The following LRRC38 variants were observed in gnomAD, a reference collection of about 807,000 sequenced individuals.
LRRC38 encodes the protein leucine-rich repeat-containing protein 38.
Under a neutral mutation model 16.4 loss-of-function variants are expected in LRRC38, and 5 were observed. The observed-to-expected ratio is 0.31, with a 90% CI of 0.16 to 0.64. LRRC38 has a LOEUF of 0.64. LRRC38 is among the 30% of genes least tolerant of loss of function. The pLI, the probability that LRRC38 is intolerant of heterozygous loss-of-function variation, is 0.80. For missense variants in LRRC38, 341 were observed against 401.8 expected, an observed-to-expected ratio of 0.85 and a Z score of 1.29; for synonymous variants, 191 against 190.2, an observed-to-expected ratio of 1.00 and a Z score of -0.04.
At chr1:13,507,392 C>G (rs542472923) in intron 1 of LRRC38, among the ~76,000 whole-genome samples, 6 of 152,234 alleles carry the variant, frequency 3.9e-5, no homozygotes, top group Non-Finnish European at 8.8e-5. Flanking sequence ...CTTCAGTAAG[C>G]CTCTGCCCAG....
At chr1:13,482,096 A>C (rs942072016) in intron 1 of LRRC38, among the ~76,000 whole-genome samples, 4 of 152,176 alleles carry the variant, frequency 2.6e-5, no homozygotes, top group South Asian at 2.1e-4. Context: ...TGCATTAAGC[A>C]AAACAGGTGA....
chr1:13,513,249 G>C lies in LRRC38; in HGVS notation c.345C>G (p.Asn115Lys), dbSNP rs1365425640. The change falls in exon 1 of 2, where the codon AAC becomes AAG. Residue 115 changes from asparagine (N) to lysine (K), a missense_variant. By Grantham distance (94) the Asn-to-Lys change is moderately conservative. Transcript: ENST00000376085. ...KLVFLDLSYN[N>K]LTQLGAGAFR... ...AGGCGCCGGCGCCCAGCTGGGTCAA[G>C]TTGTTGTAGCTGAGGTCGAGGAACA... 1.3e-6 allele frequency: 2 copies of C among 1,550,512 alleles called. No individual in the cohort carries two copies. Among genetic ancestry groups the C allele is most frequent in the East Asian group, 2.4e-5 (1 of 40,876 alleles).
intron 1 of LRRC38, among the ~76,000 whole-genome samples, chr1:13,481,780 CCTCTCTCCCTCTCT>C (rs1332312283): frequency 0.17 from 9,693 of 58,316 alleles, 502 homozygotes; most frequent in East Asian, 0.39. Flanking sequence ...TCCCTCTCTC[CCTCTCTCCCTCTCT>C]CTCTCTCTCT....
At position 13,495,802 on chromosome 1, in the gene LRRC38, G is replaced by A. The variant is rs192572930; in HGVS notation, c.631+17161C>T. 5.8e-4 allele frequency among the ~76,000 whole-genome samples: 88 copies of A among 152,192 alleles called. 1 individual carries two copies. Among genetic ancestry groups the A allele is most frequent in the African/African-American group, 1.7e-3 (71 of 41,524 alleles). The stretch of plus-strand genomic sequence containing the variant: ...TAGACAGTTCTCATTATGGTACATC[G>A]AATTCCGTTTCCTTGTAATTCTCAA... On this transcript the variant is annotated intron_variant, in intron 1 of 1. Coordinates refer to ENST00000376085, the MANE Select transcript of LRRC38 (RefSeq NM_001010847.2).
intron 1 of LRRC38, among the ~76,000 whole-genome samples, chr1:13,490,083 T>G (rs1275311479): frequency 6.6e-6 from 1 of 152,172 alleles, no homozygotes; most frequent in Non-Finnish European, 1.5e-5. Flanking sequence ...ACCGACTGAC[T>G]GTTCATGTGA....
At chr1:13,510,102 T>C (rs1264439137) in intron 1 of LRRC38, among the ~76,000 whole-genome samples, 1 of 152,110 alleles carries the variant, frequency 6.6e-6, no homozygotes, top group Non-Finnish European at 1.5e-5. Context: ...CGCTGGGCTC[T>C]GTCTTGCTTC....
intron 1 of LRRC38, among the ~76,000 whole-genome samples, chr1:13,484,601 CA>C (rs1422611107): frequency 1.3e-5 from 2 of 152,184 alleles, no homozygotes; most frequent in African/African-American, 2.4e-5. Context: ...TTCTTTCCCC[CA>C]AATTCACCAG....
rs1327978116 is a variant in LRRC38 at position 13,487,934 on chromosome 1, G to C, written c.632-11835C>G. Among the ~76,000 whole-genome samples, 1 of 151,826 alleles carries C rather than the reference G, an allele frequency of 6.6e-6. No individual in the cohort carries two copies. The highest frequency in any genetic ancestry group is 1.5e-5 in the Non-Finnish European group (1 of 68,010). ...TTCTTATCTCCACATATTAGGCAAAGCTCACATATATACTGAGACAATAAA... is the reference window on the plus strand; with the variant it reads ...TTCTTATCTCCACATATTAGGCAAACCTCACATATATACTGAGACAATAAA... On this transcript the variant is annotated intron_variant, in intron 1 of 1. Coordinates refer to ENST00000376085, the MANE Select transcript of LRRC38 (RefSeq NM_001010847.2). The surrounding 1 kb of genome is among the most constrained non-coding windows in gnomAD (Gnocchi z 4.4).
intron 1 of LRRC38, among the ~76,000 whole-genome samples, chr1:13,492,563 C>T (rs1441064979): frequency 6.6e-6 from 1 of 152,020 alleles, no homozygotes; most frequent in Admixed American, 6.6e-5. Flanking sequence ...TTAGCCGGGC[C>T]TGGTGGCGGG....
Position 13,475,786 on chromosome 1 carries a change from G to C in LRRC38, c.*60C>G. On this transcript the variant is annotated 3_prime_UTR_variant, in exon 2 of 2. Coordinates refer to ENST00000376085, the MANE Select transcript of LRRC38 (RefSeq NM_001010847.2). The surrounding 1 kb of genome is among the most constrained non-coding windows in gnomAD (Gnocchi z 4.3). ...TTTCCATTTTCAGCATTTCCCTCTC[G>C]TCTTGGAGAGAGCTTCTGGTTCGGT... 6.5e-7 allele frequency: 1 copy of C among 1,527,792 alleles called. No individual in the cohort carries two copies. Among genetic ancestry groups the C allele is most frequent in the Non-Finnish European group, 8.8e-7 (1 of 1,134,172 alleles). 94.6% of individuals were successfully genotyped at this position (1,527,792 alleles called of 1,614,324 possible).
Position 13,493,828 on chromosome 1 carries a change from G to A in LRRC38, c.632-17729C>T, listed in dbSNP as rs147672188. Reference sequence around the variant, plus strand: ...ACCTGTAATCCCAGCACTTTGGGAGGCTGAGGTGAGTAGACCACAAGGTCA... The same window carrying A: ...ACCTGTAATCCCAGCACTTTGGGAGACTGAGGTGAGTAGACCACAAGGTCA... On this transcript the variant is annotated intron_variant, in intron 1 of 1. Coordinates refer to ENST00000376085, the MANE Select transcript of LRRC38 (RefSeq NM_001010847.2). 3.0e-3 allele frequency among the ~76,000 whole-genome samples: 459 copies of A among 152,288 alleles called. 1 individual carries two copies. Among genetic ancestry groups the A allele is most frequent in the African/African-American group, 0.01 (432 of 41,570 alleles).
intron 1 of LRRC38, among the ~76,000 whole-genome samples, chr1:13,480,385 C>T (rs554833839): frequency 6.6e-6 from 1 of 152,284 alleles, no homozygotes; most frequent in African/African-American, 2.4e-5. Context: ...CTACGTGTCC[C>T]CTGGGTGGGG....
intron 1 of LRRC38, among the ~76,000 whole-genome samples, chr1:13,497,778 A>G (rs1639097157): frequency 6.6e-6 from 1 of 151,942 alleles, no homozygotes. Flanking sequence ...CCTGACCAAC[A>G]TGGAGAAACC....
At chr1:13,497,110 G>A (rs1639089436) in intron 1 of LRRC38, among the ~76,000 whole-genome samples, 1 of 152,144 alleles carries the variant, frequency 6.6e-6, no homozygotes, top group Non-Finnish European at 1.5e-5. Flanking sequence ...AAGGAACTAG[G>A]AGGAGGACAG....
At chr1:13,510,215 G>A (rs145571129) in intron 1 of LRRC38, among the ~76,000 whole-genome samples, 1 of 152,262 alleles carries the variant, frequency 6.6e-6, no homozygotes, top group African/African-American at 2.4e-5. Flanking sequence ...GGCCTGCCTA[G>A]AAAGCCCTGG....
intron 1 of LRRC38, 144 bp from the exon 2 acceptor site, chr1:13,476,243 A>G (rs561550649): frequency 3.0e-5 from 23 of 777,948 alleles, no homozygotes; most frequent in Admixed American, 1.8e-4. Flanking sequence ...ATTTAAATGG[A>G]ATTTAAACTT....
rs1383787487 is a variant in LRRC38 at position 13,513,069 on chromosome 1, C to G, written c.525G>C (p.Leu175=). 6.5e-7 allele frequency: 1 copy of G among 1,549,984 alleles called. No homozygotes were observed. The highest frequency in any genetic ancestry group is 2.0e-5 in the Admixed American group (1 of 50,972). The stretch of plus-strand genomic sequence containing the variant: ...CCAGACGCAGGGAGCGCAGCGCGGG[C>G]AGCGCGGCCAGGGCGGCCACGCTGA... ...RSLSVAALAA[L]PALRSLRLDG... is the part of the protein sequence containing the mutation. Residue 175 remains leucine (L), a synonymous_variant, in exon 1 of 2, where the codon CTG becomes CTC. Coordinates refer to ENST00000376085, the MANE Select transcript of LRRC38 (RefSeq NM_001010847.2).
Position 13,513,664 on chromosome 1 carries a change from G to C in LRRC38, c.-71C>G. On this transcript the variant is annotated 5_prime_UTR_variant, in exon 1 of 2. Coordinates refer to ENST00000376085, the MANE Select transcript of LRRC38 (RefSeq NM_001010847.2). ...GGAGCGAGCCCTGGCGCGGGACGGC[G>C]CGGTGAGGCACTGGCTGCCGGGCGC... 1.4e-5 allele frequency: 14 copies of C among 998,170 alleles called. No individual in the cohort carries two copies. Among genetic ancestry groups the C allele is most frequent in the Non-Finnish European group, 1.6e-5 (13 of 832,996 alleles). The allele number at this position is 998,170 out of a possible 1,614,324, so 61.8% of individuals were successfully genotyped here. A position where few individuals can be genotyped will look rare whatever the true frequency, so the allele number is the denominator to read the frequency against.
intron 1 of LRRC38, among the ~76,000 whole-genome samples, chr1:13,500,657 G>A (rs1428244807): frequency 1.3e-5 from 2 of 152,080 alleles, no homozygotes; most frequent in African/African-American, 2.4e-5. Context: ...GCTGTGCCCC[G>A]ACCACCTTAG....
Sources: allele counts gnomAD v4.1 joint callset (sites outside exome capture counted in the v4.1 genomes callset), GRCh38; gene constraint gnomAD v4.1.1; non-coding constraint Gnocchi (gnomAD v3.1); transcripts MANE v1.5; gene names NCBI Gene and HGNC (gene_info 2026-07-23, HGNC 2026-07-21).